The following RGS5 variants were observed in gnomAD, a reference collection of about 807,000 sequenced individuals.
The protein encoded by RGS5 is regulator of G-protein signalling 5.
RGS5 carries 20 observed loss-of-function variants against 18.9 expected under a neutral mutation model. That is an observed-to-expected ratio of 1.06 (90% confidence interval 0.74 to 1.54). The LOEUF (loss-of-function observed/expected upper bound fraction) is 1.54, where lower values mean the gene tolerates loss of function less well. Among genes scored for constraint, RGS5 ranks in the 40% most tolerant of loss-of-function variants. The probability of loss-of-function intolerance (pLI) is 0.00; values close to 1 mark genes in which losing one functional copy is unlikely to be tolerated. For missense variants in RGS5, 201 were observed against 211.8 expected, an observed-to-expected ratio of 0.95 and a Z score of 0.32; for synonymous variants, 57 against 76.2, an observed-to-expected ratio of 0.75 and a Z score of 1.31.
rs546503364 is a variant in RGS5 at position 163,165,137 on chromosome 1, G to T, written c.155+3121C>A. Reference sequence around the variant, plus strand: ...GTCATTTTTTGACATCCATATGCGGGCCTGAAATTGTACATAGATCTTTAG... The same window carrying T: ...GTCATTTTTTGACATCCATATGCGGTCCTGAAATTGTACATAGATCTTTAG... On this transcript the variant is annotated intron_variant, in intron 2 of 4. Transcript: ENST00000313961. Among the ~76,000 whole-genome samples, 28 of 152,270 alleles carry T rather than the reference G, an allele frequency of 1.8e-4. No individual in the cohort carries two copies. The South Asian group carries it at 5.2e-3, about 28-fold the overall frequency.
intron 2 of RGS5, among the ~76,000 whole-genome samples, chr1:163,233,806 G>A (rs1224494845): frequency 3.3e-5 from 5 of 152,034 alleles, no homozygotes; most frequent in African/African-American, 7.2e-5. Flanking sequence ...TCACAAGGGC[G>A]GGGGACTATC....
chr1:163,267,692 T>C (rs1326295230), intron 2 of RGS5, among the ~76,000 whole-genome samples: 5 of 152,152 alleles, frequency 3.3e-5, no homozygotes, highest in East Asian at 3.9e-4. Context: ...TGGGAGATCA[T>C]TTGAGTTTTA....
chr1:163,210,230 C>T (rs1308417716), intron 1 of RGS5, among the ~76,000 whole-genome samples: 2 of 152,124 alleles, frequency 1.3e-5, no homozygotes, highest in Non-Finnish European at 2.9e-5. Flanking sequence ...AGCTCCTGGG[C>T]TCAAGCAATC....
At chr1:163,277,696 C>T (rs888204391) in intron 2 of RGS5, among the ~76,000 whole-genome samples, 2 of 152,092 alleles carry the variant, frequency 1.3e-5, no homozygotes, top group Non-Finnish European at 2.9e-5. Flanking sequence ...CTTCTTTGGC[C>T]TCTGAGACAT....
At position 163,242,711 on chromosome 1, in the gene RGS5, T is replaced by C. The variant is rs114666474; in HGVS notation, c.-281+63522A>G. Among the ~76,000 whole-genome samples, 479 of 152,154 alleles carry C rather than the reference T, an allele frequency of 3.1e-3. 1 individual carries two copies. Among genetic ancestry groups the C allele is most frequent in the African/African-American group, 0.011 (441 of 41,516 alleles). ...AGCCTACTATGAGAAGAGCTTAGAATTGGAGGGAAGATGTGATGAAATATA... is the reference window on the plus strand; with the variant it reads ...AGCCTACTATGAGAAGAGCTTAGAACTGGAGGGAAGATGTGATGAAATATA... On this transcript the variant is annotated intron_variant, in intron 2 of 5. Coordinates refer to the RGS5 transcript ENST00000618415.
chr1:163,217,652 TC>T (rs1660247845), upstream of RGS5: 1 of 1,505,096 alleles, frequency 6.6e-7, no homozygotes, highest in South Asian at 1.3e-5. Flanking sequence ...GGGCTAGTGT[TC>T]CTTAGAATTT....
At position 163,147,329 on chromosome 1, in the gene RGS5, C is replaced by T. The variant is rs766874817; in HGVS notation, c.*13G>A. 5.7e-6 allele frequency: 9 copies of T among 1,571,768 alleles called. No homozygotes were observed. The highest frequency in any genetic ancestry group is 1.2e-5 in the South Asian group (1 of 82,572). ...AATAACTCACAGGATGATTTCATAG[C>T]CTGGCTAAATTACTACTTGATTAAC... On this transcript the variant is annotated 3_prime_UTR_variant, in exon 5 of 5. Coordinates refer to ENST00000313961, the MANE Select transcript of RGS5 (RefSeq NM_003617.4).
chr1:163,227,514 A>T (rs1647365909), intron 2 of RGS5, among the ~76,000 whole-genome samples: 1 of 152,184 alleles, frequency 6.6e-6, no homozygotes, highest in Non-Finnish European at 1.5e-5. Flanking sequence ...CATCCTTAAA[A>T]CATGGGGATT....
At chr1:163,311,130 A>G (rs1649848393) in intron 1 of RGS5, among the ~76,000 whole-genome samples, 1 of 152,226 alleles carries the variant, frequency 6.6e-6, no homozygotes. Context: ...CTTGTATGTT[A>G]TAAAGATGGC....
At chr1:163,262,237 A>T (rs1470896561) in intron 2 of RGS5, among the ~76,000 whole-genome samples, 1 of 118,438 alleles carries the variant, frequency 8.4e-6, no homozygotes, top group Non-Finnish European at 1.7e-5. Flanking sequence ...TACATGTGCC[A>T]TGCTGGTGCG....
At chr1:163,243,054 A>G (rs1041683872) in intron 2 of RGS5, among the ~76,000 whole-genome samples, 3 of 152,210 alleles carry the variant, frequency 2.0e-5, no homozygotes, top group African/African-American at 7.2e-5. Context: ...CTGCCCATCA[A>G]TGATAGACTG....
chr1:163,195,567 C>G (rs1467768984), intron 1 of RGS5, among the ~76,000 whole-genome samples: 1 of 151,680 alleles, frequency 6.6e-6, no homozygotes, highest in Non-Finnish European at 1.5e-5. Context: ...ACCCCAAAAA[C>G]TACTGAAACA....
chr1:163,261,720 C>T (rs1008402576), intron 2 of RGS5, among the ~76,000 whole-genome samples: 1 of 152,132 alleles, frequency 6.6e-6, no homozygotes, highest in African/African-American at 2.4e-5. Context: ...AAGAGGCTCA[C>T]AAGCTTTTTG....
intron 2 of RGS5, among the ~76,000 whole-genome samples, chr1:163,224,532 C>T (rs753514904): frequency 4.5e-4 from 69 of 152,238 alleles, no homozygotes; most frequent in African/African-American, 9.1e-4. Flanking sequence ...GATATCTCTT[C>T]GACATGCTGA....
At chr1:163,149,226 G>C (rs1055456608) in intron 4 of RGS5, among the ~76,000 whole-genome samples, 9 of 152,192 alleles carry the variant, frequency 5.9e-5, no homozygotes, top group South Asian at 4.1e-4. Flanking sequence ...AGACCTCAGA[G>C]AGGTCAGGTT....
intron 2 of RGS5, among the ~76,000 whole-genome samples, chr1:163,274,721 A>G (rs1208663460): frequency 6.6e-6 from 1 of 152,150 alleles, no homozygotes; most frequent in Non-Finnish European, 1.5e-5. Context: ...TAGTGTCCAA[A>G]TTGAATTGAA....
chr1:163,287,428 G>A (rs1210963567), intron 2 of RGS5, among the ~76,000 whole-genome samples: 1 of 152,128 alleles, frequency 6.6e-6, no homozygotes, highest in Non-Finnish European at 1.5e-5. Flanking sequence ...GTTCATTAAA[G>A]AATCACCATG....
chr1:163,156,164 T>C (rs1657570768), intron 3 of RGS5, among the ~76,000 whole-genome samples: 1 of 152,190 alleles, frequency 6.6e-6, no homozygotes, highest in African/African-American at 2.4e-5. Flanking sequence ...TTCTAGCTTA[T>C]TGGTTAAAAA....
chr1:163,189,114 G>A (rs957394872), intron 1 of RGS5, among the ~76,000 whole-genome samples: 1 of 152,124 alleles, frequency 6.6e-6, no homozygotes, highest in Non-Finnish European at 1.5e-5. Flanking sequence ...TGATAATCAG[G>A]TTATTCACTC....
Sources: gnomAD v4.1 joint callset for allele counts (sites outside exome capture counted in the v4.1 genomes callset) on GRCh38, gnomAD v4.1.1 for gene constraint, MANE v1.5 for transcripts, NCBI Gene and HGNC (gene_info 2026-07-23, HGNC 2026-07-21) for gene names.